The following NXPH2 variants were observed in gnomAD, a reference collection of about 807,000 sequenced individuals.
NXPH2 encodes the protein neurexophilin 2.
In NXPH2, 5 loss-of-function variants were observed where a neutral mutation model predicts 19.8. The observed-to-expected ratio is 0.25, with a 90% CI of 0.13 to 0.53. The LOEUF (loss-of-function observed/expected upper bound fraction) is 0.53, where lower values mean the gene tolerates loss of function less well. NXPH2 is among the 20% of genes least tolerant of loss of function. The pLI, the probability that NXPH2 is intolerant of heterozygous loss-of-function variation, is 0.96. For missense variants in NXPH2, 289 were observed against 322.8 expected, an observed-to-expected ratio of 0.90 and a Z score of 0.80; for synonymous variants, 154 against 127.4, an observed-to-expected ratio of 1.21 and a Z score of -1.41.
chr2:138,745,791 G>C (rs1300236145), intron 1 of NXPH2, among the ~76,000 whole-genome samples: 2 of 151,840 alleles, frequency 1.3e-5, no homozygotes, highest in African/African-American at 4.8e-5. Context: ...GTTACCTATG[G>C]AGTGAGAAAG....
At chr2:138,726,533 CACACA>C in intron 1 of NXPH2, among the ~76,000 whole-genome samples, 1 of 150,084 alleles carries the variant, frequency 6.7e-6, no homozygotes, top group East Asian at 1.9e-4. Flanking sequence ...CACACACACA[CACACA>C]CACACACACA....
chr2:138,746,768 T>C (rs571005575), intron 1 of NXPH2, among the ~76,000 whole-genome samples: 9 of 152,200 alleles, frequency 5.9e-5, no homozygotes, highest in Non-Finnish European at 8.8e-5. Context: ...CAATTTCACA[T>C]GAGAATTCTG....
intron 1 of NXPH2, among the ~76,000 whole-genome samples, chr2:138,774,094 T>C (rs1682220804): frequency 6.6e-6 from 1 of 152,204 alleles, no homozygotes; most frequent in African/African-American, 2.4e-5. Flanking sequence ...CACTTGCTAG[T>C]TTTCTGGATG....
intron 1 of NXPH2, among the ~76,000 whole-genome samples, chr2:138,769,325 G>A (rs768211920): frequency 1.3e-5 from 2 of 152,120 alleles, no homozygotes; most frequent in Non-Finnish European, 2.9e-5. Flanking sequence ...TATTATAGGG[G>A]ATGAGGAAAG....
chr2:138,743,008 G>A (rs1681668457), intron 1 of NXPH2, among the ~76,000 whole-genome samples: 1 of 152,162 alleles, frequency 6.6e-6, no homozygotes, highest in African/African-American at 2.4e-5. Context: ...AATTTAGTGA[G>A]ATCATTTCTT....
At chr2:138,689,901 G>T (rs945413701) in intron 1 of NXPH2, among the ~76,000 whole-genome samples, 2 of 152,152 alleles carry the variant, frequency 1.3e-5, no homozygotes, top group African/African-American at 4.8e-5. Flanking sequence ...TCTCTTAAAA[G>T]GAAGAACTTG....
intron 1 of NXPH2, among the ~76,000 whole-genome samples, chr2:138,740,295 A>T (rs893339249): frequency 6.6e-6 from 1 of 152,232 alleles, no homozygotes; most frequent in Admixed American, 6.5e-5. Context: ...AGTTAACAAC[A>T]TGAAGTAAAG....
chr2:138,775,856 T>C (rs1333274911), intron 1 of NXPH2, among the ~76,000 whole-genome samples: 4 of 152,184 alleles, frequency 2.6e-5, no homozygotes, highest in African/African-American at 9.6e-5. Context: ...AGATATTAAA[T>C]GCCAGCTTCT....
intron 1 of NXPH2, among the ~76,000 whole-genome samples, chr2:138,764,889 C>A (rs1242887703): frequency 1.3e-5 from 2 of 152,086 alleles, no homozygotes; most frequent in African/African-American, 2.4e-5. Context: ...TAGTGCCATG[C>A]CTACTGTAGA....
intron 1 of NXPH2, among the ~76,000 whole-genome samples, chr2:138,716,024 G>A (rs989969381): frequency 6.6e-6 from 1 of 152,106 alleles, no homozygotes; most frequent in Non-Finnish European, 1.5e-5. Context: ...CTTTGTCCTT[G>A]TTGACTTTGT....
At chr2:138,778,758 T>C (rs180705258) in intron 1 of NXPH2, among the ~76,000 whole-genome samples, 1 of 152,334 alleles carries the variant, frequency 6.6e-6, no homozygotes, top group Admixed American at 6.5e-5. Context: ...ATACTAAAGA[T>C]TAATGTGGCA....
rs188121440 is a variant in NXPH2, at chr2:138,674,355, T to C, written c.52-2690A>G. On this transcript the variant is annotated intron_variant, in intron 1 of 1. Transcript: ENST00000272641. ...TTTTAGTGGAGACAGGGTCTCACCATGTTGGCCAGGCTGGTCTCAAACTCC... is the reference window on the plus strand; with the variant it reads ...TTTTAGTGGAGACAGGGTCTCACCACGTTGGCCAGGCTGGTCTCAAACTCC... 2.1e-3 allele frequency among the ~76,000 whole-genome samples: 321 copies of C among 152,182 alleles called. 1 individual carries two copies. The highest frequency in any genetic ancestry group is 7.2e-3 in the African/African-American group (301 of 41,528).
At chr2:138,748,639 C>T (rs1284778457) in intron 1 of NXPH2, among the ~76,000 whole-genome samples, 1 of 152,108 alleles carries the variant, frequency 6.6e-6, no homozygotes, top group Non-Finnish European at 1.5e-5. Context: ...CACATGCACA[C>T]ACATACAGTA....
chr2:138,679,370 C>G (rs946995206), intron 1 of NXPH2, among the ~76,000 whole-genome samples: 1 of 151,496 alleles, frequency 6.6e-6, no homozygotes, highest in African/African-American at 2.4e-5. Context: ...TCTTCACCTA[C>G]GTGGCAGCGG....
rs142722629 is a variant in NXPH2 at position 138,719,271 on chromosome 2, G to A, written c.52-47606C>T. ...GGTAAAAAAAAGAATTTGCAAAATA[G>A]AGTATCATCCCTATAAAGGTAAGAA... is the stretch of plus-strand genomic sequence containing the variant. On this transcript the variant is annotated intron_variant, in intron 1 of 1. Coordinates refer to ENST00000272641, the MANE Select transcript of NXPH2 (RefSeq NM_007226.3). Among the ~76,000 whole-genome samples the A allele has an allele frequency of 5.3e-3, 814 of 152,154 alleles. 8 individuals carry two copies. Among genetic ancestry groups the A allele is most frequent in the African/African-American group, 0.018 (767 of 41,518 alleles).
chr2:138,767,085 A>T (rs144476875), intron 1 of NXPH2, among the ~76,000 whole-genome samples: 2 of 152,164 alleles, frequency 1.3e-5, no homozygotes. Flanking sequence ...AATTTTTATG[A>T]TTTTAGTTCA....
At position 138,670,766 on chromosome 2, in the gene NXPH2, T is replaced by A. The variant is rs1680401044; in HGVS notation, c.*156A>T. On this transcript the variant is annotated 3_prime_UTR_variant, in exon 2 of 2. Transcript: ENST00000272641. The stretch of plus-strand genomic sequence containing the variant: ...AAGAAACAAATTTCACACTTAAAGA[T>A]GTCTCTTTTTCTTTTTTTAAATTTG... 1.4e-6 allele frequency: 1 copy of A among 711,258 alleles called. No individual in the cohort carries two copies. Among genetic ancestry groups the A allele is most frequent in the Non-Finnish European group, 2.2e-6 (1 of 463,986 alleles). The allele number at this position is 711,258 out of a possible 1,614,324, so 44.1% of individuals were successfully genotyped here.
intron 1 of NXPH2, among the ~76,000 whole-genome samples, chr2:138,695,858 A>G (rs1017964765): frequency 3.3e-5 from 5 of 152,180 alleles, no homozygotes; most frequent in Non-Finnish European, 5.9e-5. Context: ...CCATTTAAAA[A>G]TAATGACAAG....
In NXPH2 at chr2:138,745,711, A is replaced by G. The variant is rs74446860; in HGVS notation, c.51+34480T>C. ...ATGTTTTAAAATGGAAAAATCTTGG[A>G]AACATAATGTTGGGTTAAACAAACA... is the stretch of plus-strand genomic sequence containing the variant. On this transcript the variant is annotated intron_variant, in intron 1 of 1. Coordinates refer to ENST00000272641, the MANE Select transcript of NXPH2 (RefSeq NM_007226.3). Among the ~76,000 whole-genome samples the G allele has an allele frequency of 2.4e-3, 363 of 152,318 alleles. 1 individual carries two copies. The highest frequency in any genetic ancestry group is 8.4e-3 in the African/African-American group (348 of 41,570).
Sources: gnomAD v4.1 joint callset for allele counts (sites outside exome capture counted in the v4.1 genomes callset) on GRCh38, gnomAD v4.1.1 for gene constraint, MANE v1.5 for transcripts, NCBI Gene and HGNC (gene_info 2026-07-23, HGNC 2026-07-21) for gene names.